MTMR7: variants seen among roughly 807,000 people sequenced by gnomAD.
The protein encoded by MTMR7 is phosphatidylinositol-3-phosphate phosphatase MTMR7.
MTMR7 carries 76 observed loss-of-function variants against 81.2 expected under a neutral mutation model. The observed-to-expected ratio is 0.94, with a 90% CI of 0.78 to 1.13. The LOEUF (loss-of-function observed/expected upper bound fraction) is 1.13, where lower values mean the gene tolerates loss of function less well. Ranked by LOEUF, MTMR7 falls within the 50% of genes most tolerant of loss-of-function variation. The pLI is 0.00. For missense variants in MTMR7, 1,044 were observed against 820.0 expected, an observed-to-expected ratio of 1.27 and a Z score of -3.34; for synonymous variants, 372 against 289.8, an observed-to-expected ratio of 1.28 and a Z score of -2.88.
intron 10 of MTMR7, among the ~76,000 whole-genome samples, chr8:17,308,138 G>C (rs1386153400): frequency 2.0e-5 from 3 of 151,648 alleles, no homozygotes; most frequent in Non-Finnish European, 2.9e-5. Flanking sequence ...GTCTTTTATG[G>C]CTTCAGAATT....
chr8:17,331,182 A>T lies in MTMR7; in HGVS notation c.833T>A (p.Val278Asp). ...FQFIGIENIHVMRNSLQKMLE... is the reference protein window; with the variant it reads ...FQFIGIENIHDMRNSLQKMLE... ...CATTTTCTGCAGACTGTTCCTCATG[A>T]CATGGATGTTCTCTATCCCGATAAA... Residue 278 changes from valine to aspartate, a missense_variant, in exon 7 of 14, where the codon GTC becomes GAC. Coordinates refer to ENST00000180173, the MANE Select transcript of MTMR7 (RefSeq NM_004686.5). 6.2e-7 allele frequency: 1 copy of T among 1,612,886 alleles called. No individual in the cohort carries two copies. The highest frequency in any genetic ancestry group is 8.5e-7 in the Non-Finnish European group (1 of 1,179,644).
At chr8:17,390,626 A>C (rs1322396725) in intron 1 of MTMR7, among the ~76,000 whole-genome samples, 1 of 151,786 alleles carries the variant, frequency 6.6e-6, no homozygotes, top group Non-Finnish European at 1.5e-5. Context: ...AGTACCCAAG[A>C]CTGGGTAATT....
At chr8:17,390,836 T>C (rs1428110928) in intron 1 of MTMR7, among the ~76,000 whole-genome samples, 1 of 152,112 alleles carries the variant, frequency 6.6e-6, no homozygotes, top group Non-Finnish European at 1.5e-5. Flanking sequence ...ACCAGAGTAG[T>C]AAGGGGAAAC....
chr8:17,364,460 G>A (rs187587472), intron 3 of MTMR7, among the ~76,000 whole-genome samples: 62 of 152,212 alleles, frequency 4.1e-4, no homozygotes, highest in African/African-American at 1.4e-3. Context: ...TTAGCGTTTC[G>A]AAATGTACAC....
At chr8:17,352,989 T>G (rs1176115082) in intron 4 of MTMR7, among the ~76,000 whole-genome samples, 7 of 152,182 alleles carry the variant, frequency 4.6e-5, no homozygotes, top group African/African-American at 1.7e-4. Context: ...CAAGAGATAC[T>G]TGCACAACCA....
At chr8:17,339,200 G>T (rs963877781) in intron 6 of MTMR7, among the ~76,000 whole-genome samples, 2 of 151,890 alleles carry the variant, frequency 1.3e-5, no homozygotes, top group African/African-American at 4.8e-5. Flanking sequence ...GACTTGAGCT[G>T]CTGGTTCTAT....
chr8:17,300,292 CTT>C, intron 13 of MTMR7, 68 bp from the exon 14 acceptor site: 1 of 1,476,920 alleles, frequency 6.8e-7, no homozygotes, highest in Non-Finnish European at 9.1e-7. Context: ...ATATGCATGT[CTT>C]TAGCATTTGT....
chr8:17,349,181 A>C, intron 4 of MTMR7, 100 bp from the exon 5 acceptor site: 1 of 1,419,310 alleles, frequency 7.0e-7, no homozygotes, highest in Non-Finnish European at 9.8e-7. Flanking sequence ...GTACATCCTT[A>C]AGTTCCCTTA....
intron 1 of MTMR7, among the ~76,000 whole-genome samples, chr8:17,409,736 G>A (rs916746752): frequency 1.3e-5 from 2 of 152,178 alleles, no homozygotes; most frequent in African/African-American, 4.8e-5. Flanking sequence ...ACAACAGGCA[G>A]ATCTGATTTA....
Position 17,369,641 on chromosome 8 carries a change from CTTTTTTTTTTTT to C in MTMR7, c.310+1384_310+1395del, listed in dbSNP as rs71212689. Among the ~76,000 whole-genome samples, 9 of 106,240 alleles carry C rather than the reference CTTTTTTTTTTTT, an allele frequency of 8.5e-5. No homozygotes were observed. In the South Asian group the frequency reaches 1.1e-3, roughly 12 times the overall value. The allele number at this position is 106,240 out of a possible 152,430, so 69.7% of individuals were successfully genotyped here. Reference sequence around the variant, plus strand: ...TATAGTAGAGTATATTTCTTTTTTTCTTTTTTTTTTTTTTTTTTTTTTGAAACAGAGTCTCGT... The same window carrying C: ...TATAGTAGAGTATATTTCTTTTTTTCTTTTTTTTTTGAAACAGAGTCTCGT... On this transcript the variant is annotated intron_variant, in intron 3 of 13. Coordinates refer to ENST00000180173, the MANE Select transcript of MTMR7 (RefSeq NM_004686.5).
At chr8:17,327,071 C>A (rs2150521910) in intron 7 of MTMR7, among the ~76,000 whole-genome samples, 1 of 152,198 alleles carries the variant, frequency 6.6e-6, no homozygotes, top group Admixed American at 6.5e-5. Flanking sequence ...AATTTTACGA[C>A]CTGAATTTTT....
At chr8:17,387,717 C>T (rs1243706062) in intron 1 of MTMR7, among the ~76,000 whole-genome samples, 1 of 152,042 alleles carries the variant, frequency 6.6e-6, no homozygotes, top group African/African-American at 2.4e-5. Context: ...ATCTCTAATT[C>T]CTATACGTAA....
chr8:17,305,261 A>G (rs1373399162), intron 11 of MTMR7, among the ~76,000 whole-genome samples: 2 of 152,230 alleles, frequency 1.3e-5, no homozygotes. Context: ...TCTCTCATGT[A>G]TACTGCCTAA....
intron 4 of MTMR7, among the ~76,000 whole-genome samples, chr8:17,355,073 G>A (rs990917336): frequency 6.6e-6 from 1 of 152,156 alleles, no homozygotes; most frequent in African/African-American, 2.4e-5. Context: ...TATGAGTCAT[G>A]TTTATGCGCT....
chr8:17,342,347 G>C (rs1586221697), intron 5 of MTMR7, among the ~76,000 whole-genome samples: 2 of 152,336 alleles, frequency 1.3e-5, no homozygotes, highest in East Asian at 3.9e-4. Context: ...TCTACATTGA[G>C]ACTGTAAGTC....
chr8:17,375,850 T>C (rs1820568579), intron 1 of MTMR7, among the ~76,000 whole-genome samples: 1 of 152,232 alleles, frequency 6.6e-6, no homozygotes, highest in Admixed American at 6.5e-5. Flanking sequence ...ATAAATAGCA[T>C]GGAGACTACA....
chr8:17,299,629 G>C lies in MTMR7; in HGVS notation c.*233C>G. 1 of 544,194 alleles carries C rather than the reference G, an allele frequency of 1.8e-6. No homozygotes were observed. Among genetic ancestry groups the C allele is most frequent in the Non-Finnish European group, 3.2e-6 (1 of 308,248 alleles). 33.7% of individuals were successfully genotyped at this position (544,194 alleles called of 1,614,324 possible). A position where few individuals can be genotyped will look rare whatever the true frequency, so the allele number is the denominator to read the frequency against. Reference sequence around the variant, plus strand: ...AGTGAATATAATTTTCATAGTCTAGGGTGAGCTTCAAAATGGTGAATAATT... The same window carrying C: ...AGTGAATATAATTTTCATAGTCTAGCGTGAGCTTCAAAATGGTGAATAATT... On this transcript the variant is annotated 3_prime_UTR_variant, in exon 14 of 14. Coordinates refer to ENST00000180173, the MANE Select transcript of MTMR7 (RefSeq NM_004686.5).
intron 1 of MTMR7, among the ~76,000 whole-genome samples, chr8:17,397,275 T>C (rs554726303): frequency 6.6e-6 from 1 of 151,944 alleles, no homozygotes; most frequent in African/African-American, 2.4e-5. Context: ...TCCCTTGGGG[T>C]CCCTGATTCC....
At chr8:17,320,786 G>A (rs2150508181) in intron 7 of MTMR7, among the ~76,000 whole-genome samples, 1 of 152,304 alleles carries the variant, frequency 6.6e-6, no homozygotes, top group South Asian at 2.1e-4. Context: ...ACGCGGCCCT[G>A]AAACACGGCC....
Sources: gnomAD v4.1 joint callset for allele counts (sites outside exome capture counted in the v4.1 genomes callset) on GRCh38, gnomAD v4.1.1 for gene constraint, MANE v1.5 for transcripts, NCBI Gene and HGNC (gene_info 2026-07-23, HGNC 2026-07-21) for gene names.